The following TP63 variants were observed in gnomAD, a reference collection of about 807,000 sequenced individuals.
The protein encoded by TP63 is tumor protein p63.
In TP63, 17 loss-of-function variants were observed where a neutral mutation model predicts 82.8. That is an observed-to-expected ratio of 0.21 (90% confidence interval 0.14 to 0.31). The LOEUF (loss-of-function observed/expected upper bound fraction) is 0.31, where lower values mean the gene tolerates loss of function less well. Among genes scored for constraint, TP63 ranks in the 10% least tolerant of loss-of-function variants. The pLI is 1.00. For synonymous variants in TP63, 330 were observed against 321.7 expected (o/e 1.03, Z -0.28); for missense variants, 648 against 895.3 (o/e 0.72, Z 3.52).
At chr3:189,854,010 C>A (rs1472457264) in intron 4 of TP63, among the ~76,000 whole-genome samples, 1 of 152,174 alleles carries the variant, frequency 6.6e-6, no homozygotes, top group Non-Finnish European at 1.5e-5. Flanking sequence ...CCATCCTAGG[C>A]AGCATGGATA....
intron 4 of TP63, among the ~76,000 whole-genome samples, chr3:189,855,859 G>A (rs919186144): frequency 5.9e-5 from 9 of 151,984 alleles, no homozygotes; most frequent in African/African-American, 2.2e-4. Context: ...ATAAAAGGCA[G>A]ATTGTAGAAA....
intron 3 of TP63, among the ~76,000 whole-genome samples, chr3:189,748,886 C>G (rs1034541613): frequency 6.6e-6 from 1 of 151,950 alleles, no homozygotes; most frequent in Non-Finnish European, 1.5e-5. Context: ...TTCAATATTT[C>G]CAGCTAACTG....
At chr3:189,869,759 C>T (rs1336564772) in intron 9 of TP63, among the ~76,000 whole-genome samples, 1 of 150,838 alleles carries the variant, frequency 6.6e-6, no homozygotes, top group Admixed American at 6.6e-5. Context: ...TTTATGAAGG[C>T]TCCACTCTCA....
At chr3:189,801,775 G>A (rs1576988907) in intron 3 of TP63, among the ~76,000 whole-genome samples, 1 of 152,318 alleles carries the variant, frequency 6.6e-6, no homozygotes, top group Admixed American at 6.5e-5. Context: ...CAGAACACAG[G>A]ACATCTAGTG....
chr3:189,793,783 T>C (rs1725408243), intron 3 of TP63, among the ~76,000 whole-genome samples: 1 of 152,118 alleles, frequency 6.6e-6, no homozygotes, highest in Non-Finnish European at 1.5e-5. Flanking sequence ...TTCCATAATT[T>C]ATAAGTTTTA....
chr3:189,740,672 G>A (rs1720918327), intron 3 of TP63, among the ~76,000 whole-genome samples: 1 of 152,048 alleles, frequency 6.6e-6, no homozygotes, highest in Admixed American at 6.6e-5. Flanking sequence ...GCTGATTTTT[G>A]TATTTTTAGT....
intron 4 of TP63, among the ~76,000 whole-genome samples, chr3:189,850,504 G>A (rs1715485118): frequency 6.6e-6 from 1 of 151,978 alleles, no homozygotes; most frequent in African/African-American, 2.4e-5. Flanking sequence ...CTGTATATAA[G>A]AACATGGATA....
At position 189,738,644 on chromosome 3, in the gene TP63, C is replaced by T. The variant is rs777769671; in HGVS notation, c.194C>T (p.Pro65Leu). 2 of 1,613,980 alleles carry T rather than the reference C, an allele frequency of 1.2e-6. No homozygotes were observed. Among genetic ancestry groups the T allele is most frequent in the Admixed American group, 3.3e-5 (2 of 60,010 alleles). Residue 65 changes from proline (P) to leucine (L), a missense_variant and splice_region_variant, in exon 3 of 14, where the codon CCT becomes CTT. Physicochemically the swap from Pro to Leu is moderately conservative, Grantham distance 98. Transcript: ENST00000264731. Reference protein sequence around the residue: ...FQHIWDFLEQPICSVQPIDLN... With the variant: ...FQHIWDFLEQLICSVQPIDLN... ...CTTTTTTCTTTCCTATGTGTTAGGC[C>T]TATATGTTCAGTTCAGCCCATTGAC...
intron 10 of TP63, among the ~76,000 whole-genome samples, chr3:189,882,987 G>A (rs1199532840): frequency 1.3e-5 from 2 of 152,042 alleles, no homozygotes; most frequent in African/African-American, 4.8e-5. Flanking sequence ...AACAACCTGA[G>A]GTATACACCT....
the TP63 span, among the ~76,000 whole-genome samples, chr3:189,600,529 G>A: frequency 3.2e-3 from 494 of 152,252 alleles, 4 homozygotes; most frequent in Middle Eastern, 0.014. Flanking sequence ...ATTTCTCTAA[G>A]GTGTGACAAC....
At chr3:189,767,133 G>A (rs752284568) in intron 3 of TP63, among the ~76,000 whole-genome samples, 7 of 151,924 alleles carry the variant, frequency 4.6e-5, no homozygotes, top group Admixed American at 1.3e-4. Context: ...AAGGTTCTTC[G>A]TCTATGGTGA....
intron 3 of TP63, among the ~76,000 whole-genome samples, chr3:189,772,267 T>C (rs566189043): frequency 6.6e-6 from 1 of 152,338 alleles, no homozygotes; most frequent in African/African-American, 2.4e-5. Context: ...AGAGATCACG[T>C]ACTAGCTAGC....
chr3:189,624,930 A>G, the TP63 span, among the ~76,000 whole-genome samples: 1 of 152,204 alleles, frequency 6.6e-6, no homozygotes, highest in East Asian at 1.9e-4. Flanking sequence ...TGTAACTGCA[A>G]AACACATTAG....
intron 12 of TP63, 58 bp downstream of exon 12, chr3:189,889,542 G>A: frequency 2.5e-6 from 4 of 1,611,320 alleles, no homozygotes; most frequent in Non-Finnish European, 3.4e-6. Context: ...GATGGTGGAG[G>A]GCGGATACTG....
intron 1 of TP63, among the ~76,000 whole-genome samples, chr3:189,636,951 A>G (rs1007089084): frequency 6.6e-6 from 1 of 152,150 alleles, no homozygotes; most frequent in African/African-American, 2.4e-5. Flanking sequence ...TTTTTATTTT[A>G]CAATAATGTA....
chr3:189,628,712 A>C (rs1442837977), upstream of TP63, among the ~76,000 whole-genome samples: 1 of 152,130 alleles, frequency 6.6e-6, no homozygotes, highest in East Asian at 1.9e-4. Context: ...CAAAGATATA[A>C]TTCATGCATT....
chr3:189,852,306 T>C (rs1715739959), intron 4 of TP63, among the ~76,000 whole-genome samples: 1 of 152,348 alleles, frequency 6.6e-6, no homozygotes, highest in Admixed American at 6.5e-5. Flanking sequence ...GAACTAAAAC[T>C]ATCCTTTCTC....
chr3:189,790,479 A>T (rs1217134934), intron 3 of TP63, among the ~76,000 whole-genome samples: 1 of 152,060 alleles, frequency 6.6e-6, no homozygotes, highest in Non-Finnish European at 1.5e-5. Flanking sequence ...CATACATGTA[A>T]ATGTGTATTA....
At chr3:189,692,856 C>T (rs983885932) in intron 1 of TP63, among the ~76,000 whole-genome samples, 5 of 152,140 alleles carry the variant, frequency 3.3e-5, no homozygotes, top group Admixed American at 3.3e-4. Context: ...CTCCTTCAGG[C>T]AGATCTAGCA....
Sources: allele counts gnomAD v4.1 joint callset (sites outside exome capture counted in the v4.1 genomes callset), GRCh38; gene constraint gnomAD v4.1.1; transcripts MANE v1.5; gene names NCBI Gene and HGNC (gene_info 2026-07-23, HGNC 2026-07-21).